The following QKI variants were observed in gnomAD, a reference collection of about 807,000 sequenced individuals.
The protein encoded by QKI is KH domain-containing RNA-binding protein QKI.
QKI carries 10 observed loss-of-function variants against 39.0 expected under a neutral mutation model. The ratio of observed to expected loss-of-function variants is 0.26; its 90% confidence interval spans 0.16 to 0.43. QKI has a LOEUF of 0.43. QKI is among the 20% of genes least tolerant of loss of function. The pLI, the probability that QKI is intolerant of heterozygous loss-of-function variation, is 1.00. For missense variants in QKI, 218 were observed against 428.0 expected, an observed-to-expected ratio of 0.51 and a Z score of 4.33; for synonymous variants, 204 against 155.4, an observed-to-expected ratio of 1.31 and a Z score of -2.33.
At chr6:163,569,239 G>A in intron 7 of QKI, 1 of 969,216 alleles carries the variant, frequency 1.0e-6, no homozygotes, top group Admixed American at 6.1e-5. Context: ...TCACATTGAA[G>A]ATACAGTATT....
In QKI at chr6:163,566,724, C is replaced by T. The variant is rs1783382191; in HGVS notation, c.938C>T (p.Ala313Val). ...TTGGTAATTGCAATTTAACTAGGTG[C>T]GGTGGCTACTAAAGTTCGAAGGCAC... Reference protein sequence around the residue: ...YPIEPSGVLGAVATKVRRHDM... With the variant: ...YPIEPSGVLGVVATKVRRHDM... Residue 313 changes from alanine (A) to valine (V), a missense_variant, in exon 7 of 8, where the codon GCG becomes GTG. By Grantham distance (64) the Ala-to-Val change is moderately conservative. Transcript: ENST00000361752. The T allele has an allele frequency of 6.2e-7, 1 of 1,613,536 alleles. No homozygotes were observed. The highest frequency in any genetic ancestry group is 8.5e-7 in the Non-Finnish European group (1 of 1,179,736).
chr6:163,468,804 C>T (rs930255662), intron 2 of QKI, among the ~76,000 whole-genome samples: 6 of 152,088 alleles, frequency 3.9e-5, no homozygotes, highest in Non-Finnish European at 7.4e-5. Context: ...TTGAATGAAG[C>T]TGCAGAACTG....
intron 6 of QKI, chr6:163,566,122 T>G (rs573640065): frequency 7.0e-7 from 1 of 1,434,840 alleles, no homozygotes; most frequent in South Asian, 1.5e-5. Context: ...ATTATGTTAT[T>G]AATTTGGTTT....
intron 6 of QKI, chr6:163,564,886 T>A: frequency 1.5e-6 from 2 of 1,376,154 alleles, no homozygotes; most frequent in South Asian, 1.9e-5. Flanking sequence ...GACTTTGATC[T>A]TTTAAGGTTT....
chr6:163,475,473 A>G lies in QKI; in HGVS notation c.286-3307A>G, dbSNP rs116789521. Among the ~76,000 whole-genome samples the G allele has an allele frequency of 5.2e-3, 788 of 152,282 alleles. 11 individuals carry two copies. Among genetic ancestry groups the G allele is most frequent in the African/African-American group, 0.018 (753 of 41,550 alleles). ...GGTTGTGCATAGGTTATGTGCAAAT[A>G]TGACACCGTTTTATATAAGGGACTT... On this transcript the variant is annotated intron_variant, in intron 2 of 7. Transcript: ENST00000361752.
chr6:163,465,015 A>G (rs1197660265), intron 2 of QKI, among the ~76,000 whole-genome samples: 2 of 152,238 alleles, frequency 1.3e-5, no homozygotes, highest in Non-Finnish European at 2.9e-5. Context: ...CTCTGAATGT[A>G]AAAATGGTTC....
At chr6:163,461,900 A>G (rs1791380922) in intron 2 of QKI, among the ~76,000 whole-genome samples, 1 of 152,112 alleles carries the variant, frequency 6.6e-6, no homozygotes, top group African/African-American at 2.4e-5. Flanking sequence ...TCTTCCACTC[A>G]TTTCAGTTCC....
chr6:163,442,882 A>G (rs1033425090), intron 1 of QKI, among the ~76,000 whole-genome samples: 1 of 152,168 alleles, frequency 6.6e-6, no homozygotes, highest in African/African-American at 2.4e-5. Context: ...CTAATCAGTT[A>G]TACTTTTACA....
chr6:163,483,048 A>G (rs1235057900), intron 3 of QKI, among the ~76,000 whole-genome samples: 3 of 152,210 alleles, frequency 2.0e-5, no homozygotes, highest in South Asian at 2.1e-4. Context: ...CCAGACCACC[A>G]CAATAAGGGA....
chr6:163,531,429 G>A (rs1341482048), intron 3 of QKI, among the ~76,000 whole-genome samples: 1 of 152,134 alleles, frequency 6.6e-6, no homozygotes, highest in African/African-American at 2.4e-5. Flanking sequence ...TTGTGGACAG[G>A]GGATATGGGA....
At chr6:163,486,649 G>A (rs1777699926) in intron 3 of QKI, among the ~76,000 whole-genome samples, 2 of 152,058 alleles carry the variant, frequency 1.3e-5, no homozygotes, top group South Asian at 4.2e-4. Context: ...AGTCCTAGAG[G>A]GTCTCAAGAA....
At chr6:163,447,015 A>G (rs528487874) in intron 1 of QKI, among the ~76,000 whole-genome samples, 3 of 152,148 alleles carry the variant, frequency 2.0e-5, no homozygotes, top group Non-Finnish European at 2.9e-5. Flanking sequence ...TACACTTATT[A>G]TAGTACAGCC....
intron 3 of QKI, among the ~76,000 whole-genome samples, chr6:163,528,255 A>T (rs1489487443): frequency 6.6e-6 from 1 of 152,220 alleles, no homozygotes; most frequent in Admixed American, 6.5e-5. Context: ...ATGTGCTTAG[A>T]ATTCTACACA....
chr6:163,538,816 A>G (rs1365665204), intron 4 of QKI, among the ~76,000 whole-genome samples: 3 of 152,208 alleles, frequency 2.0e-5, no homozygotes, highest in Non-Finnish European at 4.4e-5. Context: ...TAAAACTGCT[A>G]GGAATTTTGA....
intron 4 of QKI, among the ~76,000 whole-genome samples, chr6:163,544,567 T>C (rs1469005868): frequency 6.6e-6 from 1 of 152,076 alleles, no homozygotes; most frequent in Admixed American, 6.6e-5. Flanking sequence ...AAGATATCAG[T>C]AATAGTAGTT....
At chr6:163,453,916 C>G (rs888885202) in intron 1 of QKI, among the ~76,000 whole-genome samples, 2 of 151,966 alleles carry the variant, frequency 1.3e-5, no homozygotes, top group African/African-American at 4.8e-5. Context: ...TTGATCCTGC[C>G]TTTTTGCTGT....
intron 2 of QKI, among the ~76,000 whole-genome samples, chr6:163,462,870 A>G (rs1791452087): frequency 2.0e-5 from 3 of 152,190 alleles, no homozygotes; most frequent in Admixed American, 2.0e-4. Context: ...GAGAATTTTA[A>G]GATTTCTTTA....
At chr6:163,442,397 T>G (rs1216804053) in intron 1 of QKI, among the ~76,000 whole-genome samples, 1 of 152,196 alleles carries the variant, frequency 6.6e-6, no homozygotes, top group Non-Finnish European at 1.5e-5. Flanking sequence ...CTCCAATTAA[T>G]TTTTAGAGAG....
intron 3 of QKI, among the ~76,000 whole-genome samples, chr6:163,505,008 C>T (rs750626244): frequency 3.9e-5 from 6 of 152,198 alleles, no homozygotes; most frequent in Non-Finnish European, 7.4e-5. Context: ...GGGTGTCCGG[C>T]ATTCCAGCAG....
Sources: gnomAD v4.1 joint callset for allele counts (sites outside exome capture counted in the v4.1 genomes callset) on GRCh38, gnomAD v4.1.1 for gene constraint, MANE v1.5 for transcripts, NCBI Gene and HGNC (gene_info 2026-07-23, HGNC 2026-07-21) for gene names.